The following ADAMTSL1 variants were observed in gnomAD, a reference collection of about 807,000 sequenced individuals.
ADAMTSL1 encodes the protein ADAMTS-like protein 1.
Under a neutral mutation model 201.8 loss-of-function variants are expected in ADAMTSL1, and 126 were observed. The observed-to-expected ratio is 0.62, with a 90% CI of 0.54 to 0.72. The LOEUF is 0.72. Ranked by LOEUF, ADAMTSL1 falls within the 30% of genes least tolerant of loss-of-function variation. The pLI is 0.00. For missense variants in ADAMTSL1, 2,679 were observed against 2,277.8 expected (o/e 1.18, Z -3.59); for synonymous variants, 1,121 against 903.4 (o/e 1.24, Z -4.32).
At chr9:18,503,694 T>A (rs1225515641) in intron 1 of ADAMTSL1, among the ~76,000 whole-genome samples, 2 of 152,076 alleles carry the variant, frequency 1.3e-5, no homozygotes, top group Non-Finnish European at 2.9e-5. Flanking sequence ...CAGTTCCTGC[T>A]CCTAATCACT....
intron 16 of ADAMTSL1, among the ~76,000 whole-genome samples, chr9:18,764,528 T>C (rs960004531): frequency 3.3e-5 from 5 of 152,298 alleles, no homozygotes; most frequent in African/African-American, 9.6e-5. Context: ...AAGAAGTGGC[T>C]TTTGAGCTGG....
intron 4 of ADAMTSL1, among the ~76,000 whole-genome samples, chr9:18,613,157 A>G (rs1017649969): frequency 6.6e-6 from 1 of 152,206 alleles, no homozygotes; most frequent in Non-Finnish European, 1.5e-5. Context: ...CAAAACCACA[A>G]TGAGATAGCA....
intron 1 of ADAMTSL1, among the ~76,000 whole-genome samples, chr9:18,056,970 A>C (rs1437305851): frequency 2.6e-5 from 4 of 152,114 alleles, no homozygotes; most frequent in Admixed American, 2.0e-4. Flanking sequence ...CCACTACTGC[A>C]CTACTGTTCA....
Position 18,310,369 on chromosome 9 carries a change from CAAAAAAAAAA to C in ADAMTSL1, c.207+146409_207+146418del, listed in dbSNP as rs570081965. 2.0e-3 allele frequency among the ~76,000 whole-genome samples: 72 copies of C among 35,276 alleles called. 1 individual carries two copies. The highest frequency in any genetic ancestry group is 4.6e-3 in the African/African-American group (62 of 13,514). 23.1% of individuals were successfully genotyped at this position (35,276 alleles called of 152,430 possible). ...ATTAAACTAAAGAGCTTCTGCATAG[CAAAAAAAAAA>C]AAAAAAAAAAAAAAAAAAAACTATC... On this transcript the variant is annotated intron_variant, in intron 2 of 29. Transcript: ENST00000680146.
intron 2 of ADAMTSL1, among the ~76,000 whole-genome samples, chr9:18,394,642 A>G (rs1410950024): frequency 2.6e-5 from 4 of 151,820 alleles, no homozygotes; most frequent in Non-Finnish European, 5.9e-5. Flanking sequence ...GAGTGTAGAT[A>G]AAAGAAAGTT....
intron 1 of ADAMTSL1, among the ~76,000 whole-genome samples, chr9:18,124,167 C>G (rs1210492949): frequency 7.1e-6 from 1 of 141,012 alleles, no homozygotes; most frequent in Non-Finnish European, 1.5e-5. Context: ...ACTGCAACCT[C>G]TGTGTCCTGG....
At chr9:18,421,039 T>A (rs7032022) in intron 2 of ADAMTSL1, among the ~76,000 whole-genome samples, 4,518 of 152,098 alleles carry the variant, frequency 0.03, 213 homozygotes, top group African/African-American at 0.096. Context: ...GACTGGAACG[T>A]CATCAGCAAA....
intron 21 of ADAMTSL1, 174 bp from the exon 22 acceptor site, chr9:18,826,110 A>G (rs931628126): frequency 2.3e-5 from 16 of 703,056 alleles, no homozygotes; most frequent in Non-Finnish European, 3.6e-5. Context: ...TGAAGTCTAT[A>G]TCCTTATCCT....
chr9:18,045,554 T>G (rs1170083781), intron 1 of ADAMTSL1, among the ~76,000 whole-genome samples: 1 of 152,176 alleles, frequency 6.6e-6, no homozygotes, highest in Admixed American at 6.5e-5. Flanking sequence ...CTTATTAAAT[T>G]AGATGAATGG....
intron 4 of ADAMTSL1, among the ~76,000 whole-genome samples, chr9:18,616,249 T>C (rs1825692216): frequency 6.6e-6 from 1 of 152,200 alleles, no homozygotes; most frequent in Non-Finnish European, 1.5e-5. Flanking sequence ...GGTCTCAAAC[T>C]CGTGGCCTCA....
At chr9:17,963,251 A>C (rs182441954) in intron 1 of ADAMTSL1, among the ~76,000 whole-genome samples, 12 of 152,174 alleles carry the variant, frequency 7.9e-5, no homozygotes, top group Admixed American at 2.6e-4. Context: ...AATAAATTCT[A>C]TAGTTAATGT....
At chr9:18,316,126 C>T (rs775827289) in intron 2 of ADAMTSL1, among the ~76,000 whole-genome samples, 10 of 151,988 alleles carry the variant, frequency 6.6e-5, no homozygotes, top group Admixed American at 1.3e-4. Flanking sequence ...AGGGAATGTG[C>T]GAATAGGTGT....
chr9:18,645,064 T>C (rs1189787955), intron 7 of ADAMTSL1, among the ~76,000 whole-genome samples: 2 of 152,192 alleles, frequency 1.3e-5, no homozygotes, highest in Non-Finnish European at 2.9e-5. Flanking sequence ...TTCCTGACTT[T>C]TTAATGATTG....
chr9:18,149,180 G>T (rs1826792361), intron 1 of ADAMTSL1, among the ~76,000 whole-genome samples: 1 of 151,982 alleles, frequency 6.6e-6, no homozygotes, highest in Non-Finnish European at 1.5e-5. Context: ...TTCTTAGTGA[G>T]CTCGTCATCG....
At chr9:18,323,832 G>A (rs942241323) in intron 2 of ADAMTSL1, among the ~76,000 whole-genome samples, 2 of 152,020 alleles carry the variant, frequency 1.3e-5, no homozygotes, top group African/African-American at 4.8e-5. Context: ...AATCAAATAG[G>A]CCTAAATAAA....
intron 23 of ADAMTSL1, among the ~76,000 whole-genome samples, chr9:18,886,926 C>G (rs2131536539): frequency 6.6e-6 from 1 of 152,298 alleles, no homozygotes; most frequent in Admixed American, 6.5e-5. Context: ...TGAGATCTCC[C>G]TAGAAGAGGG....
intron 2 of ADAMTSL1, among the ~76,000 whole-genome samples, chr9:18,176,007 CAAAAAAAAAA>C (rs57982328): frequency 1.6e-5 from 1 of 62,578 alleles, no homozygotes; most frequent in Non-Finnish European, 2.9e-5. Flanking sequence ...AGAGGGAAAG[CAAAAAAAAAA>C]AAAAAAAAAA....
At chr9:18,479,081 T>C (rs1821600218) in intron 1 of ADAMTSL1, among the ~76,000 whole-genome samples, 1 of 152,228 alleles carries the variant, frequency 6.6e-6, no homozygotes, top group Non-Finnish European at 1.5e-5. Context: ...GCCTGCTAAC[T>C]GGGGTAAGCT....
rs536775979 is a variant in ADAMTSL1 at position 18,069,101 on chromosome 9, G to T, written c.88-94761G>T. On this transcript the variant is annotated intron_variant, in intron 1 of 29. Coordinates refer to the ADAMTSL1 transcript ENST00000680146. ...GTGTCTAAAACAGGTCTATCATTAC[G>T]TGACTCACTGCTGACATGTAAGCTA... 3.9e-5 allele frequency among the ~76,000 whole-genome samples: 6 copies of T among 152,174 alleles called. No homozygotes were observed. In the South Asian group the frequency reaches 1.0e-3, roughly 26 times the overall value.
Sources: allele counts gnomAD v4.1 joint callset (sites outside exome capture counted in the v4.1 genomes callset), GRCh38; gene constraint gnomAD v4.1.1; transcripts MANE v1.5; gene names NCBI Gene and HGNC (gene_info 2026-07-23, HGNC 2026-07-21).